The following MYZAP variants were observed in gnomAD, a reference collection of about 807,000 sequenced individuals.
MYZAP encodes myocardial zonula adherens protein.
MYZAP carries 66 observed loss-of-function variants against 69.4 expected under a neutral mutation model. The observed-to-expected ratio is 0.95, with a 90% CI of 0.78 to 1.17. The LOEUF (loss-of-function observed/expected upper bound fraction) is 1.17, where lower values mean the gene tolerates loss of function less well. Among genes scored for constraint, MYZAP ranks in the 50% most tolerant of loss-of-function variants. The pLI, the probability that MYZAP is intolerant of heterozygous loss-of-function variation, is 0.00. For synonymous variants in MYZAP, 256 were observed against 205.9 expected, an observed-to-expected ratio of 1.24 and a Z score of -2.09; for missense variants, 611 against 556.2, an observed-to-expected ratio of 1.10 and a Z score of -0.99.
At chr15:57,670,096 A>G (rs955163111) in intron 11 of MYZAP, among the ~76,000 whole-genome samples, 4 of 152,130 alleles carry the variant, frequency 2.6e-5, no homozygotes, top group African/African-American at 4.8e-5. Flanking sequence ...GCTGTTGTGT[A>G]TATCCTACAA....
intron 5 of MYZAP, among the ~76,000 whole-genome samples, chr15:57,628,557 C>G (rs561749546): frequency 2.6e-4 from 40 of 152,230 alleles, no homozygotes; most frequent in African/African-American, 9.6e-4. Context: ...ATGGCCAACA[C>G]TATTGATTTA....
At chr15:57,633,864 A>T (rs1456239958) in intron 8 of MYZAP, 123 bp downstream of exon 8, 3 of 1,183,840 alleles carry the variant, frequency 2.5e-6, no homozygotes, top group Admixed American at 3.7e-5. Flanking sequence ...TAAAAAAAAA[A>T]AGACAAAGCT....
At chr15:57,616,043 A>G (rs1458720997) in intron 2 of MYZAP, among the ~76,000 whole-genome samples, 6 of 152,210 alleles carry the variant, frequency 3.9e-5, no homozygotes, top group East Asian at 3.8e-4. Context: ...TACCCCATCC[A>G]TGGTTCCTTC....
chr15:57,607,727 A>G (rs532632558), intron 2 of MYZAP, among the ~76,000 whole-genome samples: 1 of 152,286 alleles, frequency 6.6e-6, no homozygotes, highest in Admixed American at 6.5e-5. Flanking sequence ...ACTGCAGAAG[A>G]ACTGGGGTAG....
intron 3 of MYZAP, among the ~76,000 whole-genome samples, chr15:57,621,402 C>T (rs1420961041): frequency 3.3e-5 from 5 of 151,796 alleles, no homozygotes; most frequent in South Asian, 4.1e-4. Flanking sequence ...TTAGTAGAGA[C>T]GGGGTTTCAC....
chr15:57,599,588 C>T (rs2034283589), intron 1 of MYZAP: 1 of 1,288,458 alleles, frequency 7.8e-7, no homozygotes, highest in Admixed American at 2.3e-5. Context: ...TTGGGAACCC[C>T]TGGGAATAAA....
At chr15:57,618,851 C>T (rs144402973) in intron 3 of MYZAP, among the ~76,000 whole-genome samples, 113 of 152,266 alleles carry the variant, frequency 7.4e-4, no homozygotes, top group African/African-American at 2.6e-3. Flanking sequence ...CCCCTCTTGA[C>T]CAAACCACCC....
chr15:57,592,111 T>C lies in MYZAP; in HGVS notation c.75+2T>C. On this transcript the variant is annotated splice_donor_variant, in intron 1 of 12. Coordinates refer to ENST00000267853, the MANE Select transcript of MYZAP (RefSeq NM_001018100.5). LOFTEE classifies it high-confidence loss of function. Reference sequence around the variant, plus strand: ...ACGCCCGGGGCGCCCAGCAGGAGGGTGAGTAGCGGGGGCGGGAGCCGCCGC... The same window carrying C: ...ACGCCCGGGGCGCCCAGCAGGAGGGCGAGTAGCGGGGGCGGGAGCCGCCGC... 7.5e-7 allele frequency: 1 copy of C among 1,333,142 alleles called. No individual in the cohort carries two copies. Among genetic ancestry groups the C allele is most frequent in the Non-Finnish European group, 9.6e-7 (1 of 1,045,268 alleles). The allele number at this position is 1,333,142 out of a possible 1,614,324, so 82.6% of individuals were successfully genotyped here. A position where few individuals can be genotyped will look rare whatever the true frequency, so the allele number is the denominator to read the frequency against.
At chr15:57,642,579 A>G (rs933436745) in intron 10 of MYZAP, among the ~76,000 whole-genome samples, 10 of 152,072 alleles carry the variant, frequency 6.6e-5, no homozygotes, top group Non-Finnish European at 7.4e-5. Context: ...TTCACCATGG[A>G]TGGAAGTCTC....
At chr15:57,620,962 C>T (rs2140394260) in intron 3 of MYZAP, among the ~76,000 whole-genome samples, 1 of 148,972 alleles carries the variant, frequency 6.7e-6, no homozygotes, top group African/African-American at 2.4e-5. Context: ...ATGATAGTTA[C>T]ATGTAATTAT....
chr15:57,672,379 A>G (rs2038907234), intron 11 of MYZAP, among the ~76,000 whole-genome samples: 1 of 152,190 alleles, frequency 6.6e-6, no homozygotes, highest in East Asian at 1.9e-4. Context: ...TGCTTGCCAC[A>G]TGCTTCAAGT....
chr15:57,678,423 A>C (rs2039251108), intron 12 of MYZAP, among the ~76,000 whole-genome samples: 1 of 152,200 alleles, frequency 6.6e-6, no homozygotes, highest in South Asian at 2.1e-4. Context: ...ACCAGAGTTA[A>C]GCACTTAATA....
chr15:57,661,030 G>C (rs1273435888), intron 10 of MYZAP, among the ~76,000 whole-genome samples: 3 of 152,120 alleles, frequency 2.0e-5, no homozygotes, highest in Non-Finnish European at 2.9e-5. Flanking sequence ...AATGCAGGCT[G>C]CCCTGCAAAT....
intron 5 of MYZAP, among the ~76,000 whole-genome samples, chr15:57,627,535 C>G (rs576685502): frequency 2.7e-4 from 41 of 152,164 alleles, no homozygotes; most frequent in African/African-American, 9.6e-4. Context: ...ACTCGAGTAC[C>G]TGGTGGACCG....
At chr15:57,630,380 G>A (rs996865420) in intron 6 of MYZAP, among the ~76,000 whole-genome samples, 3 of 152,218 alleles carry the variant, frequency 2.0e-5, no homozygotes, top group Non-Finnish European at 4.4e-5. Context: ...TAACTGAGAA[G>A]ACGCTTGGGA....
At chr15:57,602,239 A>G (rs556895250) in intron 1 of MYZAP, among the ~76,000 whole-genome samples, 5 of 152,184 alleles carry the variant, frequency 3.3e-5, no homozygotes, top group African/African-American at 1.2e-4. Flanking sequence ...AACTACCACA[A>G]CGCCATTGGC....
chr15:57,613,123 G>A (rs958515584), intron 2 of MYZAP, among the ~76,000 whole-genome samples: 33 of 151,752 alleles, frequency 2.2e-4, no homozygotes, highest in Admixed American at 3.9e-4. Flanking sequence ...TATTAGAGAT[G>A]GGGTTTCACC....
At chr15:57,655,313 T>C (rs1449655542) in intron 10 of MYZAP, among the ~76,000 whole-genome samples, 1 of 152,016 alleles carries the variant, frequency 6.6e-6, no homozygotes, top group Non-Finnish European at 1.5e-5. Flanking sequence ...GCTGAGAGGA[T>C]GGAGTGTCCT....
chr15:57,673,420 T>A (rs199958540), intron 11 of MYZAP, among the ~76,000 whole-genome samples: 1 of 144,416 alleles, frequency 6.9e-6, no homozygotes, highest in Non-Finnish European at 1.5e-5. Flanking sequence ...CACTGTCTCT[T>A]TCTCTCTCTC....
Sources: allele counts gnomAD v4.1 joint callset (sites outside exome capture counted in the v4.1 genomes callset), GRCh38; gene constraint gnomAD v4.1.1; transcripts MANE v1.5; gene names NCBI Gene and HGNC (gene_info 2026-07-23, HGNC 2026-07-21).